KIAA1328: variants seen among roughly 807,000 people sequenced by gnomAD.
The protein encoded by KIAA1328 is protein hinderin.
Under a neutral mutation model 68.1 loss-of-function variants are expected in KIAA1328, and 52 were observed. The observed-to-expected ratio is 0.76, with a 90% confidence interval of 0.61 to 0.96. KIAA1328 has a LOEUF of 0.96. Ranked by LOEUF, KIAA1328 falls within the 40% of genes least tolerant of loss-of-function variation. The probability of loss-of-function intolerance (pLI) is 0.00; values close to 1 mark genes in which losing one functional copy is unlikely to be tolerated. For missense variants in KIAA1328, 641 were observed against 677.6 expected, an observed-to-expected ratio of 0.95 and a Z score of 0.60; for synonymous variants, 232 against 239.4, an observed-to-expected ratio of 0.97 and a Z score of 0.28.
intron 7 of KIAA1328, among the ~76,000 whole-genome samples, chr18:37,122,118 AAG>A: frequency 6.6e-6 from 1 of 152,262 alleles, no homozygotes; most frequent in East Asian, 1.9e-4. Flanking sequence ...TTAGCTGTGA[AAG>A]AGGAGTCTGC....
chr18:37,222,360 T>C lies in KIAA1328; in HGVS notation c.*133T>C, dbSNP rs2060580652. On this transcript the variant is annotated 3_prime_UTR_variant, in exon 10 of 10. Coordinates refer to ENST00000280020, the MANE Select transcript of KIAA1328 (RefSeq NM_020776.3). The stretch of plus-strand genomic sequence containing the variant: ...TGTCTCACTAGCATCCTGTTACGTA[T>C]TGAATATAGAAATCATTCTAACAAC... 1 of 1,461,304 alleles carries C rather than the reference T, an allele frequency of 6.8e-7. No homozygotes were observed. Among genetic ancestry groups the C allele is most frequent in the South Asian group, 1.5e-5 (1 of 68,208 alleles). 90.5% of individuals were successfully genotyped at this position (1,461,304 alleles called of 1,614,324 possible).
At chr18:37,147,688 C>A (rs552163901) in intron 7 of KIAA1328, among the ~76,000 whole-genome samples, 1 of 152,142 alleles carries the variant, frequency 6.6e-6, no homozygotes, top group Admixed American at 6.6e-5. Flanking sequence ...GATAAGCCTT[C>A]TTCTCGTATG....
chr18:36,902,656 C>T (rs936894837), intron 5 of KIAA1328, among the ~76,000 whole-genome samples: 3 of 151,996 alleles, frequency 2.0e-5, no homozygotes, highest in African/African-American at 7.2e-5. Context: ...AGATATCAAA[C>T]AATTGGGAGA....
chr18:36,850,256 A>T (rs2047168619), intron 4 of KIAA1328, among the ~76,000 whole-genome samples: 1 of 151,966 alleles, frequency 6.6e-6, no homozygotes, highest in Non-Finnish European at 1.5e-5. Flanking sequence ...TGTAAATGAG[A>T]TGGTTTTCTT....
At chr18:37,123,230 C>T (rs976233517) in intron 7 of KIAA1328, among the ~76,000 whole-genome samples, 2 of 152,158 alleles carry the variant, frequency 1.3e-5, no homozygotes, top group African/African-American at 4.8e-5. Context: ...TCTTATTCTA[C>T]TCTTAAGAAT....
intron 6 of KIAA1328, among the ~76,000 whole-genome samples, chr18:36,998,510 A>G (rs940105878): frequency 3.3e-5 from 5 of 152,230 alleles, no homozygotes; most frequent in African/African-American, 1.2e-4. Context: ...GCCAGGGTAC[A>G]TTGTACTGTG....
chr18:37,117,041 G>T (rs1312303497), intron 7 of KIAA1328, among the ~76,000 whole-genome samples: 1 of 152,160 alleles, frequency 6.6e-6, no homozygotes. Context: ...GGAGAAATAG[G>T]AACACTTTTA....
chr18:37,152,266 AGTAACGAGACAAAGGTAAAG>A (rs2059052416), intron 7 of KIAA1328, among the ~76,000 whole-genome samples: 1 of 152,154 alleles, frequency 6.6e-6, no homozygotes, highest in African/African-American at 2.4e-5. Flanking sequence ...ATTTTAGAAA[AGTAACGAGACAAAGGTAAAG>A]GACTTTAAGT....
chr18:37,090,918 C>T (rs1249706875), intron 7 of KIAA1328, among the ~76,000 whole-genome samples: 3 of 151,970 alleles, frequency 2.0e-5, no homozygotes, highest in Admixed American at 2.0e-4. Flanking sequence ...AGGAGAACAT[C>T]GGGGAGGAGG....
At chr18:37,214,395 A>G in intron 9 of KIAA1328, among the ~76,000 whole-genome samples, 1 of 152,194 alleles carries the variant, frequency 6.6e-6, no homozygotes, top group Non-Finnish European at 1.5e-5. Flanking sequence ...AGCACCATTT[A>G]TTAAATAGGG....
downstream of KIAA1328, among the ~76,000 whole-genome samples, chr18:37,228,654 A>C (rs1161344441): frequency 6.6e-6 from 1 of 152,092 alleles, no homozygotes; most frequent in East Asian, 1.9e-4. Flanking sequence ...CCCCGTCTCT[A>C]CTAAAAAATA....
intron 6 of KIAA1328, among the ~76,000 whole-genome samples, chr18:37,020,981 G>A (rs2054325753): frequency 6.6e-6 from 1 of 152,148 alleles, no homozygotes; most frequent in African/African-American, 2.4e-5. Flanking sequence ...TCATTTTAAA[G>A]TGTACCTTTA....
At chr18:37,200,599 C>G in intron 9 of KIAA1328, among the ~76,000 whole-genome samples, 1 of 151,784 alleles carries the variant, frequency 6.6e-6, no homozygotes. Flanking sequence ...ATCATGAGGT[C>G]AGGAGATCGA....
chr18:37,228,821 GA>G (rs142722378), downstream of KIAA1328, among the ~76,000 whole-genome samples: 1 of 132,564 alleles, frequency 7.5e-6, no homozygotes, highest in South Asian at 2.4e-4. Flanking sequence ...TTCCATCTCA[GA>G]AAAAAAAAAG....
intron 8 of KIAA1328, among the ~76,000 whole-genome samples, chr18:37,167,927 T>C (rs1224755264): frequency 6.7e-6 from 1 of 148,564 alleles, no homozygotes; most frequent in African/African-American, 2.5e-5. Flanking sequence ...AAAAGCAAAC[T>C]ATAGACCAGT....
chr18:37,018,899 A>G (rs1598986152), intron 6 of KIAA1328, among the ~76,000 whole-genome samples: 1 of 151,924 alleles, frequency 6.6e-6, no homozygotes, highest in African/African-American at 2.4e-5. Context: ...CTTGCAAGCC[A>G]TGCTTTGGAT....
At chr18:37,192,607 TTC>T (rs1171006513) in intron 9 of KIAA1328, among the ~76,000 whole-genome samples, 15 of 152,188 alleles carry the variant, frequency 9.9e-5, no homozygotes, top group Non-Finnish European at 2.2e-4. Flanking sequence ...GCAAGTAATA[TTC>T]TCTGACTCCA....
chr18:36,886,173 T>C (rs1365642757), intron 5 of KIAA1328: 1 of 152,708 alleles, frequency 6.5e-6, no homozygotes, highest in African/African-American at 2.4e-5. Flanking sequence ...GATAAGGCCA[T>C]CCAGCTGTTC....
At chr18:37,112,020 C>A (rs925223849) in intron 7 of KIAA1328, among the ~76,000 whole-genome samples, 2 of 152,188 alleles carry the variant, frequency 1.3e-5, no homozygotes, top group Non-Finnish European at 2.9e-5. Context: ...ACAAAGCAGC[C>A]AGGCAGCTTG....
Sources: allele counts gnomAD v4.1 joint callset (sites outside exome capture counted in the v4.1 genomes callset), GRCh38; gene constraint gnomAD v4.1.1; transcripts MANE v1.5; gene names NCBI Gene and HGNC (gene_info 2026-07-23, HGNC 2026-07-21).